The following ABTB2 variants were observed in gnomAD, a reference collection of about 807,000 sequenced individuals.
ABTB2 encodes the protein ankyrin repeat and BTB/POZ domain-containing protein 2.
In ABTB2, 56 loss-of-function variants were observed where a neutral mutation model predicts 104.1. The ratio of observed to expected loss-of-function variants is 0.54; its 90% CI spans 0.43 to 0.67. The LOEUF is 0.67. Among genes scored for constraint, ABTB2 ranks in the 30% least tolerant of loss-of-function variants. The probability of loss-of-function intolerance (pLI) is 0.00; values close to 1 mark genes in which losing one functional copy is unlikely to be tolerated. For synonymous variants in ABTB2, 606 were observed against 608.2 expected, an observed-to-expected ratio of 1.00 and a Z score of 0.05; for missense variants, 1,279 against 1,407.7, an observed-to-expected ratio of 0.91 and a Z score of 1.46.
chr11:34,239,471 C>T (rs1010273408), intron 1 of ABTB2, among the ~76,000 whole-genome samples: 2 of 152,108 alleles, frequency 1.3e-5, no homozygotes, highest in Non-Finnish European at 2.9e-5. Context: ...GCTGAGACTG[C>T]AGACATGCGC....
At chr11:34,197,604 G>T in intron 2 of ABTB2, 66 bp from the exon 3 acceptor site, 1 of 1,141,012 alleles carries the variant, frequency 8.8e-7, no homozygotes, top group Non-Finnish European at 1.2e-6. Flanking sequence ...TGAGTTCACA[G>T]CCTGCATTCT....
intron 16 of ABTB2, 52 bp from the exon 17 acceptor site, chr11:34,152,636 C>T (rs1852561440): frequency 6.6e-7 from 1 of 1,516,850 alleles, no homozygotes; most frequent in Non-Finnish European, 9.0e-7. Context: ...TACAGCCCCA[C>T]TCACCCTCAC....
At chr11:34,345,040 G>T (rs950523410) in intron 1 of ABTB2, among the ~76,000 whole-genome samples, 1 of 152,162 alleles carries the variant, frequency 6.6e-6, no homozygotes, top group African/African-American at 2.4e-5. Context: ...TGATACTAAA[G>T]TCAATTTCCA....
At chr11:34,177,598 A>G (rs1262225509) in intron 3 of ABTB2, among the ~76,000 whole-genome samples, 1 of 152,168 alleles carries the variant, frequency 6.6e-6, no homozygotes, top group Non-Finnish European at 1.5e-5. Context: ...GTTTCCACCT[A>G]TCTGAGGCTT....
intron 13 of ABTB2, among the ~76,000 whole-genome samples, 167 bp downstream of exon 13, chr11:34,159,739 G>A (rs758056244): frequency 2.3e-4 from 35 of 152,240 alleles, no homozygotes; most frequent in Non-Finnish European, 3.4e-4. Context: ...GGTCCACCCC[G>A]TCTCATCCCG....
chr11:34,325,495 T>C (rs1855059269), intron 1 of ABTB2, among the ~76,000 whole-genome samples: 1 of 152,208 alleles, frequency 6.6e-6, no homozygotes, highest in African/African-American at 2.4e-5. Context: ...AGCACCAACA[T>C]CATAGCATTA....
chr11:34,216,811 C>T (rs956970361), intron 1 of ABTB2, among the ~76,000 whole-genome samples: 7 of 152,288 alleles, frequency 4.6e-5, no homozygotes, highest in Admixed American at 4.6e-4. Context: ...GTCTGCATGG[C>T]TTGATATTCC....
chr11:34,167,283 C>A lies in ABTB2; in HGVS notation c.1731G>T (p.Leu577=), dbSNP rs749436429. 2 of 1,612,422 alleles carry A rather than the reference C, an allele frequency of 1.2e-6. No individual in the cohort carries two copies. The highest frequency in any genetic ancestry group is 1.7e-6 in the Non-Finnish European group (2 of 1,179,276). The change falls in exon 7 of 17, where the codon CTG becomes CTT. Residue 577 remains leucine, a synonymous_variant. Transcript: ENST00000435224. ...CCTGGACCACAGAGATGTGTCCATG[C>A]AGCACAGCGAATGTCAGTGAGGTCC... ...RHWTSLTFAV[L]HGHISVVQLL...
At chr11:34,171,846 C>A (rs1456662395) in intron 4 of ABTB2, among the ~76,000 whole-genome samples, 1 of 152,104 alleles carries the variant, frequency 6.6e-6, no homozygotes, top group Non-Finnish European at 1.5e-5. Context: ...TCAGAAGTAC[C>A]AAAGAGATGG....
At chr11:34,223,453 C>T (rs1009197283) in intron 1 of ABTB2, among the ~76,000 whole-genome samples, 4 of 152,220 alleles carry the variant, frequency 2.6e-5, no homozygotes, top group African/African-American at 7.2e-5. Context: ...ATTCCATTCA[C>T]ATTTGCCCCG....
chr11:34,214,139 A>ACACACAC (rs1853519948), intron 1 of ABTB2, among the ~76,000 whole-genome samples: 3 of 139,272 alleles, frequency 2.2e-5, no homozygotes, highest in Middle Eastern at 3.6e-3. Flanking sequence ...GCACATTCAA[A>ACACACAC]ACACACACAC....
chr11:34,264,744 C>T (rs796938750), intron 1 of ABTB2, among the ~76,000 whole-genome samples: 43 of 152,308 alleles, frequency 2.8e-4, no homozygotes, highest in African/African-American at 9.1e-4. Context: ...CTGTTCGAAG[C>T]GTGTCCCACA....
chr11:34,250,011 G>C (rs188298394), intron 1 of ABTB2, among the ~76,000 whole-genome samples: 1 of 152,284 alleles, frequency 6.6e-6, no homozygotes, highest in East Asian at 1.9e-4. Flanking sequence ...GTGACACCTT[G>C]AGCTGGTCCT....
intron 1 of ABTB2, among the ~76,000 whole-genome samples, chr11:34,263,127 C>A (rs1374690442): frequency 6.6e-6 from 1 of 152,020 alleles, no homozygotes; most frequent in African/African-American, 2.4e-5. Context: ...GTCCTTTGGG[C>A]CTTGGATACA....
rs565541436 is a variant in ABTB2, at chr11:34,336,228, C to G, written c.883+20473G>C. Reference sequence around the variant, plus strand: ...TTTCCTCCTATTCATTCAATGTCAGCTGAGCCCATGCACCTTCTGAGAAGC... The same window carrying G: ...TTTCCTCCTATTCATTCAATGTCAGGTGAGCCCATGCACCTTCTGAGAAGC... On this transcript the variant is annotated intron_variant, in intron 1 of 16. Transcript: ENST00000435224. 2.0e-5 allele frequency among the ~76,000 whole-genome samples: 3 copies of G among 152,328 alleles called. No individual in the cohort carries two copies. In the South Asian group the frequency reaches 6.2e-4, roughly 32 times the overall value.
At position 34,159,982 on chromosome 11, in the gene ABTB2, TCTC is replaced by T. The variant is rs770059886; in HGVS notation, c.2527_2529del (p.Glu843del). 10 of 1,613,796 alleles carry T rather than the reference TCTC, an allele frequency of 6.2e-6. No individual in the cohort carries two copies. The highest frequency in any genetic ancestry group is 4.5e-5 in the East Asian group (2 of 44,892). On this transcript the variant is annotated inframe_deletion, in exon 13 of 17. Transcript: ENST00000435224. ...TCCACCAGGAAGGTCACATCTGACA[TCTC>T]CTTATTGTTCAAAAAGTGTGGATCT... is the stretch of plus-strand genomic sequence containing the variant.
Position 34,154,910 on chromosome 11 carries a change from C to G in ABTB2, c.2698-141G>C. On this transcript the variant is annotated intron_variant, in intron 14 of 16. Transcript: ENST00000435224. This position sits in a 1 kb window ranked among gnomAD's most constrained non-coding sequence, Gnocchi z 4.9. The stretch of plus-strand genomic sequence containing the variant: ...TCCCCAGCTCTGTCTCTCCCTCCCT[C>G]TCCTGCTCAGGCTGAGACTTGTGTT... 5.3e-6 allele frequency: 4 copies of G among 751,758 alleles called. No homozygotes were observed. The highest frequency in any genetic ancestry group is 8.8e-6 in the Non-Finnish European group (4 of 455,732). The allele number at this position is 751,758 out of a possible 1,614,324, so 46.6% of individuals were successfully genotyped here. A position where few individuals can be genotyped will look rare whatever the true frequency, so the allele number is the denominator to read the frequency against.
chr11:34,273,726 A>G (rs1854347572), intron 1 of ABTB2, among the ~76,000 whole-genome samples: 1 of 152,122 alleles, frequency 6.6e-6, no homozygotes, highest in Non-Finnish European at 1.5e-5. Context: ...CCCTTTATGC[A>G]CTAGTACTGG....
chr11:34,233,185 T>C (rs1853794925), intron 1 of ABTB2, among the ~76,000 whole-genome samples: 1 of 150,864 alleles, frequency 6.6e-6, no homozygotes, highest in African/African-American at 2.4e-5. Context: ...AGGACACAAT[T>C]AGGACACCTG....
Sources: gnomAD v4.1 joint callset for allele counts (sites outside exome capture counted in the v4.1 genomes callset) on GRCh38, gnomAD v4.1.1 for gene constraint, Gnocchi (gnomAD v3.1) non-coding constraint, MANE v1.5 for transcripts, NCBI Gene and HGNC (gene_info 2026-07-23, HGNC 2026-07-21) for gene names.